The following ANO3 variants were observed in gnomAD, a reference collection of about 807,000 sequenced individuals.
ANO3 encodes anoctamin 3.
Under a neutral mutation model 144.8 loss-of-function variants are expected in ANO3, and 99 were observed. The observed-to-expected ratio is 0.68, with a 90% CI of 0.58 to 0.81. The LOEUF is 0.81. ANO3 is among the 30% of genes least tolerant of loss of function. The pLI, the probability that ANO3 is intolerant of heterozygous loss-of-function variation, is 0.00. For synonymous variants in ANO3, 414 were observed against 392.6 expected (o/e 1.05, Z -0.64); for missense variants, 905 against 1,202.2 (o/e 0.75, Z 3.66).
chr11:26,362,885 T>G (rs2133926982), intron 1 of ANO3, among the ~76,000 whole-genome samples: 1 of 152,304 alleles, frequency 6.6e-6, no homozygotes, highest in Admixed American at 6.5e-5. Context: ...AAATATTTCT[T>G]AAATGACTAC....
At position 26,424,182 on chromosome 11, in the gene ANO3, T is replaced by C. The variant is rs1857846152; in HGVS notation, c.47-17736T>C. ...TGCAAATAGATTTTTTTTACTCTTATAAATACATTGCAATCTATCCTACGT... is the reference window on the plus strand; with the variant it reads ...TGCAAATAGATTTTTTTTACTCTTACAAATACATTGCAATCTATCCTACGT... On this transcript the variant is annotated intron_variant, in intron 1 of 26. Coordinates refer to ENST00000256737, the MANE Select transcript of ANO3 (RefSeq NM_031418.4). 2.0e-5 allele frequency among the ~76,000 whole-genome samples: 3 copies of C among 151,872 alleles called. No individual in the cohort carries two copies. In the South Asian group the frequency reaches 6.2e-4, roughly 31 times the overall value.
Position 26,639,046 on chromosome 11 carries a change from AC to A in ANO3, c.2044-95del, listed in dbSNP as rs1193592450. 9.0e-6 allele frequency: 7 copies of A among 780,612 alleles called. No homozygotes were observed. In the East Asian group the frequency reaches 1.6e-4, roughly 17 times the overall value. 48.4% of individuals were successfully genotyped at this position (780,612 alleles called of 1,614,324 possible). ...TTTTCTTTATGCATGAGATGGTGTG[AC>A]CCAGCTTTAAAATTTGCTGTACAAT... On this transcript the variant is annotated intron_variant, in intron 20 of 26. Coordinates refer to ENST00000256737, the MANE Select transcript of ANO3 (RefSeq NM_031418.4).
At chr11:26,562,250 CA>C (rs1479848789) in intron 14 of ANO3, among the ~76,000 whole-genome samples, 2 of 151,820 alleles carry the variant, frequency 1.3e-5, no homozygotes, top group Non-Finnish European at 2.9e-5. Context: ...AACCCATAAT[CA>C]GAATTCAGTT....
chr11:26,461,591 C>T (rs1859397231), intron 3 of ANO3, among the ~76,000 whole-genome samples: 1 of 152,038 alleles, frequency 6.6e-6, no homozygotes. Context: ...CTAATGTCAA[C>T]TTGTAAAAGA....
intron 13 of ANO3, among the ~76,000 whole-genome samples, chr11:26,556,201 T>C (rs1343452377): frequency 1.3e-5 from 2 of 152,198 alleles, no homozygotes; most frequent in Non-Finnish European, 2.9e-5. Context: ...TTAAATGCAC[T>C]GACACTACAT....
intron 14 of ANO3, among the ~76,000 whole-genome samples, chr11:26,579,952 C>T (rs1407982347): frequency 6.6e-6 from 1 of 151,836 alleles, no homozygotes; most frequent in Non-Finnish European, 1.5e-5. Context: ...ATGACTGGCA[C>T]ATAAGTTTCT....
At chr11:26,565,980 A>C in intron 14 of ANO3, 2 of 1,263,840 alleles carry the variant, frequency 1.6e-6, no homozygotes, top group Middle Eastern at 5.6e-4. Context: ...AAAGTGATAA[A>C]AATCTAGACA....
intron 13 of ANO3, 57 bp from the exon 14 acceptor site, chr11:26,559,662 C>T: frequency 1.6e-6 from 2 of 1,253,860 alleles, no homozygotes; most frequent in Non-Finnish European, 2.3e-6. Flanking sequence ...AAACAGTATT[C>T]ACTGGCTTAT....
At chr11:26,536,394 A>C (rs985119222) in intron 9 of ANO3, among the ~76,000 whole-genome samples, 2 of 152,110 alleles carry the variant, frequency 1.3e-5, no homozygotes, top group Middle Eastern at 3.4e-3. Context: ...AAATGTTAGT[A>C]CTATATTGTT....
In ANO3 at chr11:26,643,168, CTCT is replaced by C; in HGVS notation, c.2276-9_2276-7del. Reference sequence around the variant, plus strand: ...AAGTTTATATAGTAATTTCCTAATGCTCTTCTTTTGCAGTTTTGCAATTTGGTT... The same window carrying C: ...AAGTTTATATAGTAATTTCCTAATGCTCTTTTGCAGTTTTGCAATTTGGTT... On this transcript the variant is annotated splice_polypyrimidine_tract_variant and intron_variant, in intron 22 of 26. Transcript: ENST00000256737. 1 of 1,612,822 alleles carries C rather than the reference CTCT, an allele frequency of 6.2e-7. No homozygotes were observed. The highest frequency in any genetic ancestry group is 8.5e-7 in the Non-Finnish European group (1 of 1,179,414).
chr11:26,272,350 A>T (rs1853458300), intron 1 of ANO3, among the ~76,000 whole-genome samples: 4 of 152,154 alleles, frequency 2.6e-5, no homozygotes, highest in Admixed American at 2.6e-4. Flanking sequence ...CAGCATAAGG[A>T]CCATTGTTTT....
At chr11:26,455,834 C>T (rs1255026760) in intron 3 of ANO3, among the ~76,000 whole-genome samples, 2 of 151,008 alleles carry the variant, frequency 1.3e-5, no homozygotes, top group Non-Finnish European at 3.0e-5. Flanking sequence ...TGCTACAAGG[C>T]TACAGTAACC....
chr11:26,439,729 A>T (rs763092862), intron 1 of ANO3, among the ~76,000 whole-genome samples: 1 of 152,230 alleles, frequency 6.6e-6, no homozygotes, highest in Non-Finnish European at 1.5e-5. Flanking sequence ...TAATGTGACA[A>T]ACTATAATTT....
upstream of ANO3, among the ~76,000 whole-genome samples, chr11:26,306,263 C>T (rs1335977173): frequency 1.3e-5 from 2 of 152,048 alleles, no homozygotes; most frequent in African/African-American, 4.8e-5. Flanking sequence ...CGTGAGCCAC[C>T]GCTCCCGGCC....
intron 19 of ANO3, 60 bp from the exon 20 acceptor site, chr11:26,634,953 A>C: frequency 7.2e-7 from 1 of 1,398,274 alleles, no homozygotes; most frequent in Middle Eastern, 1.8e-4. Context: ...GTGATGCCTA[A>C]GTAGATGTTC....
chr11:26,419,760 G>A (rs1590343929), intron 1 of ANO3, among the ~76,000 whole-genome samples: 1 of 152,068 alleles, frequency 6.6e-6, no homozygotes, highest in East Asian at 1.9e-4. Flanking sequence ...AGGAAAATGA[G>A]CTTATTTGGG....
At chr11:26,234,607 C>T (rs1852474923) in intron 1 of ANO3, among the ~76,000 whole-genome samples, 1 of 152,146 alleles carries the variant, frequency 6.6e-6, no homozygotes, top group Non-Finnish European at 1.5e-5. Flanking sequence ...ATGTATTCAA[C>T]TTATATTGTC....
intron 1 of ANO3, among the ~76,000 whole-genome samples, chr11:26,221,482 CCTTTGCTACCACAT>C (rs1184268907): frequency 5.9e-5 from 9 of 152,210 alleles, no homozygotes; most frequent in Admixed American, 3.3e-4. Flanking sequence ...TGCTTCCACA[CCTTTGCTACCACAT>C]CTCTGTAGAA....
intron 4 of ANO3, among the ~76,000 whole-genome samples, chr11:26,479,670 A>C (rs779286797): frequency 4.6e-5 from 7 of 152,196 alleles, no homozygotes; most frequent in Non-Finnish European, 1.0e-4. Flanking sequence ...TTACAATTCA[A>C]GATGAGATTC....
Sources: allele counts gnomAD v4.1 joint callset (sites outside exome capture counted in the v4.1 genomes callset), GRCh38; gene constraint gnomAD v4.1.1; transcripts MANE v1.5; gene names NCBI Gene and HGNC (gene_info 2026-07-23, HGNC 2026-07-21).